SLC27A1: variants seen among roughly 807,000 people sequenced by gnomAD.
SLC27A1 encodes solute carrier family 27 member 1, also known as long-chain fatty acid transport protein 1.
In SLC27A1, 61 loss-of-function variants were observed where a neutral mutation model predicts 62.2. That is an observed-to-expected ratio of 0.98 (90% CI 0.80 to 1.21). The LOEUF (loss-of-function observed/expected upper bound fraction) is 1.21, where lower values mean the gene tolerates loss of function less well. Ranked by LOEUF, SLC27A1 falls within the 50% of genes most tolerant of loss-of-function variation. The pLI, the probability that SLC27A1 is intolerant of heterozygous loss-of-function variation, is 0.00. For missense variants in SLC27A1, 903 were observed against 932.1 expected (o/e 0.97, Z 0.41); for synonymous variants, 435 against 408.6 (o/e 1.06, Z -0.78).
In SLC27A1 at chr19:17,506,137, A is replaced by C. The variant is rs184463140; in HGVS notation, c.*1525A>C. On this transcript the variant is annotated 3_prime_UTR_variant, in exon 12 of 12. Transcript: ENST00000252595. ...CCTGGGCACTGTGGTTTTATTTCCT[A>C]ATTGATTTAAGAAATAAACCTGAAG... 6.6e-6 allele frequency: 1 copy of C among 152,062 alleles called. No homozygotes were observed. Among genetic ancestry groups the C allele is most frequent in the Non-Finnish European group, 1.5e-5 (1 of 68,004 alleles). 9.4% of individuals were successfully genotyped at this position (152,062 alleles called of 1,614,324 possible).
intron 6 of SLC27A1, chr19:17,496,132 G>A (rs1327538044): frequency 6.6e-6 from 1 of 152,364 alleles, no homozygotes; most frequent in Non-Finnish European, 1.5e-5. Context: ...GAGCACATTT[G>A]CAGCTGTTAT....
chr19:17,503,692 G>A (rs1013084720), intron 11 of SLC27A1: 1 of 151,882 alleles, frequency 6.6e-6, no homozygotes, highest in Non-Finnish European at 1.5e-5. Context: ...AGCATTTTGA[G>A]AGGCCGAGGC....
rs575081060 is a variant in SLC27A1 at position 17,478,770 on chromosome 19, T to C, written c.168-7793T>C. ...TACTCAGGGGGCTGAGGTGGGAGGATTGCTTGAGCCCAGGAGGCAGAGGTT... is the reference window on the plus strand; with the variant it reads ...TACTCAGGGGGCTGAGGTGGGAGGACTGCTTGAGCCCAGGAGGCAGAGGTT... On this transcript the variant is annotated intron_variant, in intron 1 of 11. Transcript: ENST00000252595. Among the ~76,000 whole-genome samples the C allele has an allele frequency of 2.0e-5, 3 of 151,926 alleles. No homozygotes were observed. The South Asian group carries it at 6.2e-4, about 32-fold the overall frequency.
In SLC27A1 at chr19:17,500,317, G is replaced by C; in HGVS notation, c.1246G>C (p.Val416Leu). The part of the protein sequence containing the change: ...CGFNSRILPH[V>L]YPIRLVKVNE... ...TTTCAACAGCCGCATCCTGCCCCAC[G>C]TGTACCCCATCCGGCTGGTGAAGGT... Residue 416 changes from valine to leucine, a missense_variant, in exon 8 of 12, where the codon GTG becomes CTG. Coordinates refer to ENST00000252595, the MANE Select transcript of SLC27A1 (RefSeq NM_198580.3). 1 of 1,614,180 alleles carries C rather than the reference G, an allele frequency of 6.2e-7. No individual in the cohort carries two copies. Among genetic ancestry groups the C allele is most frequent in the Non-Finnish European group, 8.5e-7 (1 of 1,180,022 alleles).
chr19:17,487,329 A>G lies in SLC27A1; in HGVS notation c.718A>G (p.Met240Val), dbSNP rs1372259546. The G allele has an allele frequency of 6.2e-7, 1 of 1,609,860 alleles. No individual in the cohort carries two copies. The highest frequency in any genetic ancestry group is 8.5e-7 in the Non-Finnish European group (1 of 1,178,414). ...APLAQIPSKG[M>V]DDRLFYIYTS... ...CTTGGCACAGATCCCCAGCAAGGGC[A>G]TGGACGGTGAGTCAAGGGTGGGACC... Residue 240 changes from methionine to valine, a missense_variant, in exon 3 of 12, where the codon ATG becomes GTG. Physicochemically the swap from Met to Val is conservative, Grantham distance 21 (BLOSUM62 1). Transcript: ENST00000252595.
At chr19:17,469,788 C>CAGTGA (rs2075055570), upstream of SLC27A1, among the ~76,000 whole-genome samples, 1 of 148,266 alleles carries the variant, frequency 6.7e-6, no homozygotes, top group African/African-American at 2.5e-5. Context: ...GGGCGGGGCC[C>CAGTGA]GTGGCCAGGA....
intron 1 of SLC27A1, among the ~76,000 whole-genome samples, chr19:17,479,238 T>C (rs1224104122): frequency 6.6e-6 from 1 of 152,142 alleles, no homozygotes; most frequent in African/African-American, 2.4e-5. Flanking sequence ...AGATCCCTTC[T>C]CTACAAAAAA....
chr19:17,504,162 T>G (rs374014334), intron 11 of SLC27A1, among the ~76,000 whole-genome samples: 1 of 152,108 alleles, frequency 6.6e-6, no homozygotes, highest in Non-Finnish European at 1.5e-5. Context: ...TAAACTCTTA[T>G]TCACTGTGTA....
intron 1 of SLC27A1, among the ~76,000 whole-genome samples, chr19:17,476,921 C>T (rs550183031): frequency 3.5e-5 from 5 of 141,068 alleles, no homozygotes; most frequent in African/African-American, 1.3e-4. Flanking sequence ...CATGGTCTCA[C>T]ACTGTCACCC....
Position 17,497,371 on chromosome 19 carries a change from G to A in SLC27A1, c.1113G>A (p.Trp371Ter), listed in dbSNP as rs1302854405. ...AVGNGLRPAI[W>*]EEFTERFGVR... ...GGAACGGGCTGCGTCCTGCCATCTG[G>A]GAGGAGTTCACGGAGCGCTTCGGCG... is the stretch of plus-strand genomic sequence containing the variant. The change falls in exon 7 of 12, where the codon TGG becomes TGA. Residue 371 changes from tryptophan to a stop codon, truncating the protein, a stop_gained. Coordinates refer to ENST00000252595, the MANE Select transcript of SLC27A1 (RefSeq NM_198580.3). LOFTEE classifies it high-confidence loss of function. 6.2e-7 allele frequency: 1 copy of A among 1,603,726 alleles called. No individual in the cohort carries two copies. Among genetic ancestry groups the A allele is most frequent in the African/African-American group, 1.4e-5 (1 of 74,038 alleles).
rs150559698 is a variant in SLC27A1, at chr19:17,501,415, C to T, written c.1779C>T (p.Thr593=). The stretch of plus-strand genomic sequence containing the variant: ...TGCGCCTCCTGCCCCAGGTGGACAC[C>T]ACAGGTGCGAGTCTCCCCCACTCCA... ...IFLRLLPQVD[T]TGTFKIQKTR... Residue 593 remains threonine, a synonymous_variant, in exon 11 of 12, where the codon ACC becomes ACT. Coordinates refer to ENST00000252595, the MANE Select transcript of SLC27A1 (RefSeq NM_198580.3). 6.2e-6 allele frequency: 10 copies of T among 1,612,622 alleles called. No individual in the cohort carries two copies. The highest frequency in any genetic ancestry group is 1.7e-4 in the Middle Eastern group (1 of 6,054).
intron 1 of SLC27A1, among the ~76,000 whole-genome samples, chr19:17,485,946 G>A (rs936155150): frequency 1.3e-5 from 2 of 152,212 alleles, no homozygotes; most frequent in African/African-American, 4.8e-5. Context: ...GTTCCCTGGG[G>A]CCTCTGCCCG....
At chr19:17,497,586 G>T in intron 7 of SLC27A1, 122 bp downstream of exon 7, 1 of 885,168 alleles carries the variant, frequency 1.1e-6, no homozygotes, top group South Asian at 1.4e-5. Flanking sequence ...CCGCCAAGGC[G>T]CACGCAGGGC....
chr19:17,504,385 G>C (rs1319324026), intron 11 of SLC27A1, 70 bp from the exon 12 acceptor site: 2 of 1,576,390 alleles, frequency 1.3e-6, no homozygotes, highest in East Asian at 4.5e-5. Context: ...AGGTGCAGGA[G>C]AGGATATTGA....
At chr19:17,497,140 C>G in intron 6 of SLC27A1, 115 bp from the exon 7 acceptor site, 1 of 726,288 alleles carries the variant, frequency 1.4e-6, no homozygotes, top group African/African-American at 1.9e-5. Flanking sequence ...CATCCTTAGG[C>G]TGTTCCGCTC....
At chr19:17,485,357 T>G (rs2075219158) in intron 1 of SLC27A1, among the ~76,000 whole-genome samples, 1 of 151,254 alleles carries the variant, frequency 6.6e-6, no homozygotes, top group Admixed American at 6.6e-5. Flanking sequence ...GCCTGGCTAA[T>G]TTTTGTATTT....
At chr19:17,482,011 G>A (rs1568412806) in intron 1 of SLC27A1, among the ~76,000 whole-genome samples, 1 of 152,142 alleles carries the variant, frequency 6.6e-6, no homozygotes, top group South Asian at 2.1e-4. Flanking sequence ...TGCAGGATTG[G>A]AACCTGATCT....
intron 10 of SLC27A1, 29 bp downstream of exon 10, chr19:17,500,905 G>A (rs1273875130): frequency 1.3e-6 from 2 of 1,585,550 alleles, no homozygotes; most frequent in Non-Finnish European, 1.7e-6. Context: ...GGGTGGTCCT[G>A]AGGCATGGTC....
In SLC27A1 at chr19:17,486,338, C is replaced by G. The variant is rs1280356906; in HGVS notation, c.168-225C>G. 6.6e-6 allele frequency among the ~76,000 whole-genome samples: 1 copy of G among 152,188 alleles called. No homozygotes were observed. The highest frequency in any genetic ancestry group is 1.9e-4 in the East Asian group (1 of 5,200). ...AAGCCAGCTGGGGTATGGGGGAGGA[C>G]AGGGTGACTGGTTTATTACGCTTTG... On this transcript the variant is annotated intron_variant, in intron 1 of 11. Transcript: ENST00000252595. This position sits in a 1 kb window ranked among gnomAD's most constrained non-coding sequence, Gnocchi z 6.6.
Sources: allele counts gnomAD v4.1 joint callset (sites outside exome capture counted in the v4.1 genomes callset), GRCh38; gene constraint gnomAD v4.1.1; non-coding constraint Gnocchi (gnomAD v3.1); transcripts MANE v1.5; gene names NCBI Gene and HGNC (gene_info 2026-07-23, HGNC 2026-07-21).